CCNY: variants seen among roughly 807,000 people sequenced by gnomAD.
CCNY encodes cyclin-Y.
A neutral mutation model predicts 42.8 loss-of-function variants in CCNY; 19 were observed. The observed-to-expected ratio is 0.44, with a 90% CI of 0.31 to 0.65. The LOEUF (loss-of-function observed/expected upper bound fraction) is 0.65. Ranked by LOEUF, CCNY falls within the 30% of genes least tolerant of loss-of-function variation. The pLI, the probability that CCNY is intolerant of heterozygous loss-of-function variation, is 0.07. For missense variants in CCNY, 370 were observed against 437.3 expected (o/e 0.85, Z 1.37); for synonymous variants, 165 against 162.7 (o/e 1.01, Z -0.11).
chr10:35,431,733 C>T (rs1171627775), intron 1 of CCNY, among the ~76,000 whole-genome samples: 6 of 152,038 alleles, frequency 3.9e-5, no homozygotes, highest in East Asian at 1.9e-4. Context: ...CCCTAAGCAT[C>T]GGGTCCCAGG....
intron 3 of CCNY, among the ~76,000 whole-genome samples, chr10:35,312,973 C>G (rs1835707806): frequency 6.6e-6 from 1 of 152,040 alleles, no homozygotes; most frequent in Admixed American, 6.6e-5. Context: ...ACCTTTCCTT[C>G]CAGGCATTGT....
intron 1 of CCNY, among the ~76,000 whole-genome samples, chr10:35,383,569 A>C (rs1416977692): frequency 6.6e-6 from 1 of 152,126 alleles, no homozygotes; most frequent in East Asian, 1.9e-4. Context: ...TGGCCTCCCA[A>C]AGTGTTGGGA....
chr10:35,352,486 T>C (rs1827294369), intron 1 of CCNY, among the ~76,000 whole-genome samples: 1 of 152,168 alleles, frequency 6.6e-6, no homozygotes, highest in Non-Finnish European at 1.5e-5. Context: ...TCCACAAATA[T>C]GGTAGCCTGA....
intron 3 of CCNY, among the ~76,000 whole-genome samples, chr10:35,252,206 T>G (rs1021332802): frequency 6.6e-6 from 1 of 152,164 alleles, no homozygotes; most frequent in Non-Finnish European, 1.5e-5. Flanking sequence ...CACTGCAGAT[T>G]AATCATTTCC....
At position 35,530,276 on chromosome 10, in the gene CCNY, C is replaced by A; in HGVS notation, c.579+33C>A. The A allele has an allele frequency of 2.5e-6, 4 of 1,613,442 alleles. No homozygotes were observed. Among genetic ancestry groups the A allele is most frequent in the Non-Finnish European group, 3.4e-6 (4 of 1,179,814 alleles). On this transcript the variant is annotated intron_variant, in intron 7 of 9. Coordinates refer to ENST00000374704, the MANE Select transcript of CCNY (RefSeq NM_145012.6). The surrounding 1 kb of genome is among the most constrained non-coding windows in gnomAD (Gnocchi z 4.3). ...CCCTCAGGATGGCCACACCCATCCC[C>A]AGCCGAGGTGGTCCAGGGCCCGTTC...
At chr10:35,270,727 T>C (rs11597436) in intron 3 of CCNY, among the ~76,000 whole-genome samples, 13 of 117,712 alleles carry the variant, frequency 1.1e-4, no homozygotes, top group African/African-American at 2.4e-4. Flanking sequence ...CTTTTTTTTT[T>C]CTTTTTTTTT....
intron 1 of CCNY, among the ~76,000 whole-genome samples, chr10:35,403,185 A>C (rs1371164116): frequency 6.6e-6 from 1 of 152,204 alleles, no homozygotes. Context: ...CACATGGAAC[A>C]CAGAGAAGTG....
At chr10:35,332,840 G>A (rs1237976776), upstream of CCNY, among the ~76,000 whole-genome samples, 2 of 152,092 alleles carry the variant, frequency 1.3e-5, no homozygotes, top group Non-Finnish European at 2.9e-5. Flanking sequence ...TCCTGACCTC[G>A]TGATCCACTC....
At chr10:35,377,680 T>C (rs576936596) in intron 1 of CCNY, among the ~76,000 whole-genome samples, 1 of 152,350 alleles carries the variant, frequency 6.6e-6, no homozygotes, top group South Asian at 2.1e-4. Flanking sequence ...AGAATTTTTA[T>C]GTCTGTAGAT....
intron 3 of CCNY, among the ~76,000 whole-genome samples, chr10:35,257,462 G>T (rs2095716504): frequency 6.6e-6 from 1 of 151,648 alleles, no homozygotes; most frequent in Non-Finnish European, 1.5e-5. Context: ...TTTTTATCTG[G>T]GAAGGTCTTA....
intron 1 of CCNY, among the ~76,000 whole-genome samples, chr10:35,479,307 G>A (rs907234751): frequency 7.9e-5 from 12 of 151,044 alleles, no homozygotes; most frequent in South Asian, 6.3e-4. Flanking sequence ...ACATGCACAC[G>A]TATGTTTATT....
intron 7 of CCNY, among the ~76,000 whole-genome samples, chr10:35,543,984 A>AG (rs1263046723): frequency 1.3e-5 from 2 of 152,238 alleles, no homozygotes; most frequent in East Asian, 3.8e-4. Flanking sequence ...AAGAGAGAAA[A>AG]TATTTTTGTA....
chr10:35,565,895 T>A (rs898188023), intron 8 of CCNY, 128 bp from the exon 9 acceptor site: 9 of 908,372 alleles, frequency 9.9e-6, no homozygotes, highest in African/African-American at 5.0e-5. Context: ...AACCAGACAT[T>A]TACTTAGATC....
chr10:35,258,890 C>T lies in CCNY; in HGVS notation c.-9+8264C>T, dbSNP rs186314399. The stretch of plus-strand genomic sequence containing the variant: ...GGCGGAGTTTGCAGTGAGCCGAGAT[C>T]GAGCCACTGCACTCCAGCCTGGGTG... On this transcript the variant is annotated intron_variant, in intron 3 of 11. Coordinates refer to the CCNY transcript ENST00000374706. Among the ~76,000 whole-genome samples, 1,080 of 149,354 alleles carry T rather than the reference C, an allele frequency of 7.2e-3. 5 individuals carry two copies. Among genetic ancestry groups the T allele is most frequent in the Non-Finnish European group, 0.013 (877 of 67,686 alleles).
chr10:35,260,940 G>A (rs1046786541), intron 3 of CCNY, among the ~76,000 whole-genome samples: 6 of 151,994 alleles, frequency 3.9e-5, no homozygotes, highest in Admixed American at 1.3e-4. Context: ...GTGAGACCCC[G>A]TCTCTACAAA....
chr10:35,407,893 G>A (rs4934748), intron 1 of CCNY, among the ~76,000 whole-genome samples: 64,325 of 152,022 alleles, frequency 0.42, 14,562 homozygotes, highest in African/African-American at 0.58. Context: ...TCAGACACCA[G>A]TGGAACGTGG....
At chr10:35,346,888 A>G (rs547206401) in intron 1 of CCNY, among the ~76,000 whole-genome samples, 1 of 152,316 alleles carries the variant, frequency 6.6e-6, no homozygotes, top group Non-Finnish European at 1.5e-5. Flanking sequence ...CGGCCTTCCA[A>G]AGTGCTGGGA....
intron 3 of CCNY, among the ~76,000 whole-genome samples, chr10:35,259,495 GTTTTTTTTTTTTTT>G (rs35988898): frequency 1.5e-5 from 1 of 65,146 alleles, no homozygotes; most frequent in Non-Finnish European, 2.6e-5. Flanking sequence ...AGTCCTGGTT[GTTTTTTTTTTTTTT>G]TTTTTTTTTT....
intron 1 of CCNY, among the ~76,000 whole-genome samples, chr10:35,352,007 T>A (rs1026658145): frequency 6.6e-6 from 1 of 152,224 alleles, no homozygotes; most frequent in South Asian, 2.1e-4. Flanking sequence ...AGTGTGTAAG[T>A]GATCTACCTA....
Sources: gnomAD v4.1 joint callset for allele counts (sites outside exome capture counted in the v4.1 genomes callset) on GRCh38, gnomAD v4.1.1 for gene constraint, Gnocchi (gnomAD v3.1) non-coding constraint, MANE v1.5 for transcripts, NCBI Gene and HGNC (gene_info 2026-07-23, HGNC 2026-07-21) for gene names.